Variants in PCSK4 observed in about 807,000 individuals in gnomAD.
PCSK4 encodes proprotein convertase subtilisin/kexin type 4, also known as testicular tissue protein Li 135.
PCSK4 carries 64 observed loss-of-function variants against 80.3 expected under a neutral mutation model. The observed-to-expected ratio is 0.80, with a 90% CI of 0.65 to 0.98. The LOEUF is 0.98. Ranked by LOEUF, PCSK4 falls within the 50% of genes least tolerant of loss-of-function variation. The pLI is 0.00. For missense variants in PCSK4, 1,213 were observed against 1,093.6 expected, an observed-to-expected ratio of 1.11 and a Z score of -1.54; for synonymous variants, 561 against 487.6, an observed-to-expected ratio of 1.15 and a Z score of -1.98.
intron 8 of PCSK4, among the ~76,000 whole-genome samples, chr19:1,484,922 ATTGT>A (rs375565359): frequency 3.6e-3 from 554 of 152,322 alleles, no homozygotes; most frequent in Middle Eastern, 6.8e-3. Flanking sequence ...AGGCGGGCAG[ATTGT>A]TTGAGCTCAG....
At chr19:1,489,201 G>C (rs936450767) in intron 2 of PCSK4, among the ~76,000 whole-genome samples, 1 of 147,484 alleles carries the variant, frequency 6.8e-6, no homozygotes. Context: ...GCGCGATCTC[G>C]GCTCACTGCA....
At chr19:1,487,009 G>A (rs761409585) in exon 8 of PCSK4, 4 of 1,609,142 alleles carry the variant, frequency 2.5e-6, no homozygotes, top group Non-Finnish European at 3.4e-6. Context: ...AGTTGTCGTA[G>A]TGCAGGCCGC....
chr19:1,489,678 G>C, intron 2 of PCSK4, 115 bp downstream of exon 2: 1 of 1,484,498 alleles, frequency 6.7e-7, no homozygotes, highest in South Asian at 1.3e-5. Context: ...GCGGGTCTGA[G>C]CCACAGAAAG....
At position 1,483,035 on chromosome 19, in the gene PCSK4, T is replaced by TGGGTGG. The variant is rs1408998680; in HGVS notation, c.1572-21_1572-16dup. On this transcript the variant is annotated splice_polypyrimidine_tract_variant and intron_variant, in intron 12 of 14. Coordinates refer to ENST00000300954, the Ensembl canonical transcript of PCSK4. ...CGTCCAAGGGTCTGGGACAGAAGGG[T>TGGGTGG]GGGTGGGGGTGGGGGTGTCAAGAGG... 9.6e-6 allele frequency: 3 copies of TGGGTGG among 313,508 alleles called. No individual in the cohort carries two copies. Among genetic ancestry groups the TGGGTGG allele is most frequent in the African/African-American group, 5.5e-5 (2 of 36,230 alleles). The allele number at this position is 313,508 out of a possible 1,614,324, so 19.4% of individuals were successfully genotyped here. A position where few individuals can be genotyped will look rare whatever the true frequency, so the allele number is the denominator to read the frequency against.
exon 9 of PCSK4, chr19:1,484,093 T>A (rs1348725078): frequency 2.6e-6 from 4 of 1,566,908 alleles, no homozygotes. Context: ...GCCCGTGTGC[T>A]GGTCTGTGCA....
At chr19:1,482,945 C>T in exon 13 of PCSK4, 2 of 1,591,274 alleles carry the variant, frequency 1.3e-6, no homozygotes, top group South Asian at 1.1e-5. Flanking sequence ...TCCACACGCC[C>T]TGTGGGTTCT....
In PCSK4 at chr19:1,487,331, G is replaced by T. The variant is rs2084678809; in HGVS notation, c.683-18C>A. ...CCGTACGCCTGCAGAGCCAGGGCGGGAGGGCCGCTGCCACCGGCCCTGCCC... is the reference window on the plus strand; with the variant it reads ...CCGTACGCCTGCAGAGCCAGGGCGGTAGGGCCGCTGCCACCGGCCCTGCCC... On this transcript the variant is annotated intron_variant, in intron 6 of 14. Transcript: ENST00000300954. 6.4e-7 allele frequency: 1 copy of T among 1,562,764 alleles called. No individual in the cohort carries two copies. The highest frequency in any genetic ancestry group is 1.1e-5 in the South Asian group (1 of 88,060).
At chr19:1,487,813 G>A (rs1423322672) in exon 5 of PCSK4, 3 of 1,579,288 alleles carry the variant, frequency 1.9e-6, no homozygotes, top group Non-Finnish European at 2.6e-6. Context: ...GTGTAGCGGG[G>A]CTGGGGGTCC....
At chr19:1,488,573 C>T (rs1223095982) in intron 2 of PCSK4, among the ~76,000 whole-genome samples, 3 of 151,896 alleles carry the variant, frequency 2.0e-5, no homozygotes, top group Non-Finnish European at 4.4e-5. Context: ...TCTCCTGCAT[C>T]ACTTCCTTAT....
exon 15 of PCSK4, chr19:1,481,469 C>A: frequency 3.0e-6 from 1 of 337,680 alleles, no homozygotes; most frequent in South Asian, 1.2e-4. Flanking sequence ...TGAGGTTGGA[C>A]GCGGTGCCCG....
At chr19:1,485,330 G>A (rs983768070) in intron 8 of PCSK4, among the ~76,000 whole-genome samples, 5 of 151,876 alleles carry the variant, frequency 3.3e-5, no homozygotes, top group East Asian at 1.9e-4. Context: ...TTGGGAGGCC[G>A]AGGCTGGTGG....
intron 6 of PCSK4, 56 bp downstream of exon 6, chr19:1,487,547 G>A (rs2084695798): frequency 2.8e-6 from 4 of 1,441,652 alleles, no homozygotes; most frequent in Non-Finnish European, 3.8e-6. Context: ...CTCCCCGCCA[G>A]AGTCACCCCC....
upstream of PCSK4, chr19:1,490,835 A>C: frequency 5.7e-6 from 1 of 176,510 alleles, no homozygotes; most frequent in Non-Finnish European, 1.2e-5. Flanking sequence ...TCGCCAATGA[A>C]TCGCGTCCCG....
exon 15 of PCSK4, chr19:1,481,714 T>C (rs1364567254): frequency 2.3e-5 from 31 of 1,348,040 alleles, no homozygotes; most frequent in Non-Finnish European, 3.0e-5. Flanking sequence ...GCAGTGCCTG[T>C]CAGGGACCCA....
At chr19:1,481,586 CTT>C (rs1491539358) in exon 15 of PCSK4, 150 of 495,728 alleles carry the variant, frequency 3.0e-4, no homozygotes, top group Non-Finnish European at 5.3e-5. Context: ...GCAGAGGAGA[CTT>C]CTCTCTCTCT....
Position 1,484,655 on chromosome 19 carries a change from C to CA in PCSK4, c.1069-529dup, listed in dbSNP as rs1182243162. The stretch of plus-strand genomic sequence containing the variant: ...CAACACCTTGTCTCTACTAAAAATA[C>CA]AAAAAAATTACCCGGGTATGGTGGC... On this transcript the variant is annotated intron_variant, in intron 8 of 14. Coordinates refer to ENST00000300954, the Ensembl canonical transcript of PCSK4. 3.3e-5 allele frequency among the ~76,000 whole-genome samples: 5 copies of CA among 151,070 alleles called. No homozygotes were observed. In the South Asian group the frequency reaches 1.1e-3, roughly 32 times the overall value.
chr19:1,487,610 T>A, exon 6 of PCSK4: 1 of 1,551,020 alleles, frequency 6.4e-7, no homozygotes, highest in Non-Finnish European at 8.7e-7. Flanking sequence ...TACCTCCGAT[T>A]CGGGCGTTGA....
chr19:1,487,491 C>G (rs1033395144), intron 6 of PCSK4, 112 bp downstream of exon 6: 2 of 1,059,192 alleles, frequency 1.9e-6, no homozygotes, highest in Non-Finnish European at 2.8e-6. Context: ...GGGGCCCTAG[C>G]ACCACCCAGC....
In PCSK4 at chr19:1,482,213, C is replaced by T. The variant is rs762436794; in HGVS notation, c.1820-6G>A. 44 of 1,529,482 alleles carry T rather than the reference C, an allele frequency of 2.9e-5. No individual in the cohort carries two copies. Among genetic ancestry groups the T allele is most frequent in the African/African-American group, 4.1e-5 (3 of 72,928 alleles). The allele number at this position is 1,529,482 out of a possible 1,614,324, so 94.7% of individuals were successfully genotyped here. A position where few individuals can be genotyped will look rare whatever the true frequency, so the allele number is the denominator to read the frequency against. ...GTAGGCGGGGCCGTCACACGCTGCT[C>T]GGGGACACGCACGCAAAGGCCCGTC... On this transcript the variant is annotated splice_region_variant and splice_polypyrimidine_tract_variant and intron_variant, in intron 14 of 14. Coordinates refer to ENST00000300954, the Ensembl canonical transcript of PCSK4.
Sources: gnomAD v4.1 joint callset for allele counts (sites outside exome capture counted in the v4.1 genomes callset) on GRCh38, gnomAD v4.1.1 for gene constraint, MANE v1.5 for transcripts, NCBI Gene and HGNC (gene_info 2026-07-23, HGNC 2026-07-21) for gene names.